EXD3: variants seen among roughly 807,000 people sequenced by gnomAD.
The protein encoded by EXD3 is exonuclease mut-7 homolog.
EXD3 carries 92 observed loss-of-function variants against 98.0 expected under a neutral mutation model. That is an observed-to-expected ratio of 0.94 (90% CI 0.79 to 1.12). The LOEUF (loss-of-function observed/expected upper bound fraction) is 1.12, where lower values mean the gene tolerates loss of function less well. Among genes scored for constraint, EXD3 ranks in the 50% most tolerant of loss-of-function variants. The pLI is 0.00. For synonymous variants in EXD3, 569 were observed against 526.0 expected (o/e 1.08, Z -1.12); for missense variants, 1,222 against 1,191.6 (o/e 1.03, Z -0.38).
At chr9:137,365,699 TACACACCCATGC>T in intron 7 of EXD3, 1 of 228,186 alleles carries the variant, frequency 4.4e-6, no homozygotes, top group Non-Finnish European at 8.3e-6. Flanking sequence ...TGCACACACG[TACACACCCATGC>T]ACACACACAT....
intron 3 of EXD3, among the ~76,000 whole-genome samples, chr9:137,381,970 G>A (rs563558084): frequency 3.3e-5 from 5 of 151,806 alleles, no homozygotes; most frequent in Non-Finnish European, 7.4e-5. Flanking sequence ...GCAGGGAGGA[G>A]GTGGGAGCAC....
At chr9:137,321,118 G>A (rs549131062) in intron 19 of EXD3, among the ~76,000 whole-genome samples, 6 of 152,374 alleles carry the variant, frequency 3.9e-5, no homozygotes, top group Middle Eastern at 3.4e-3. Context: ...GTGCCTGGCC[G>A]GCTGCAGATC....
intron 17 of EXD3, among the ~76,000 whole-genome samples, chr9:137,325,527 A>G (rs925579569): frequency 6.6e-6 from 1 of 151,742 alleles, no homozygotes; most frequent in Non-Finnish European, 1.5e-5. Context: ...CTGCCTCCCG[A>G]GTTCAAGCGA....
At chr9:137,394,045 C>T (rs568895623) in intron 2 of EXD3, among the ~76,000 whole-genome samples, 20 of 152,332 alleles carry the variant, frequency 1.3e-4, no homozygotes, top group African/African-American at 4.1e-4. Context: ...AGCCCGTCCC[C>T]GGCACAGAGA....
intron 17 of EXD3, among the ~76,000 whole-genome samples, chr9:137,340,931 T>G (rs1283239585): frequency 2.6e-5 from 4 of 152,202 alleles, no homozygotes; most frequent in Admixed American, 2.6e-4. Context: ...GACAAAGGAC[T>G]GAAGGAGAAG....
chr9:137,329,647 C>T (rs1203785469), intron 17 of EXD3, among the ~76,000 whole-genome samples: 7 of 15,346 alleles, frequency 4.6e-4, no homozygotes, highest in Non-Finnish European at 4.6e-4. Flanking sequence ...CTACACGGGA[C>T]TACACGGGGC....
chr9:137,328,617 C>T (rs1300024188), intron 17 of EXD3, among the ~76,000 whole-genome samples: 2 of 83,960 alleles, frequency 2.4e-5, no homozygotes, highest in African/African-American at 7.0e-5. Context: ...CGGGGCTACA[C>T]GGGACTACAC....
rs192750719 is a variant in EXD3 at position 137,413,614 on chromosome 9, G to A, written c.-48+9500C>T. 5.1e-3 allele frequency among the ~76,000 whole-genome samples: 760 copies of A among 148,878 alleles called. 4 individuals carry two copies. The highest frequency in any genetic ancestry group is 0.018 in the African/African-American group (719 of 40,132). ...GCCTCCTGGCTCAAGTGATTCTTGT[G>A]CCTAAGTCTCCTGAGTAGCTGGGAC... On this transcript the variant is annotated intron_variant, in intron 1 of 21. Coordinates refer to ENST00000340951, the MANE Select transcript of EXD3 (RefSeq NM_017820.5).
intron 17 of EXD3, among the ~76,000 whole-genome samples, chr9:137,337,085 T>A (rs1833390845): frequency 6.6e-6 from 1 of 152,090 alleles, no homozygotes; most frequent in Non-Finnish European, 1.5e-5. Context: ...AACCAAAGAA[T>A]AATGGAGAAA....
chr9:137,368,801 A>G (rs1835415703), intron 5 of EXD3, among the ~76,000 whole-genome samples: 2 of 150,306 alleles, frequency 1.3e-5, no homozygotes, highest in South Asian at 4.2e-4. Flanking sequence ...CTGTCTGGCC[A>G]GGGTCCAAGA....
At position 137,383,717 on chromosome 9, in the gene EXD3, G is replaced by A. The variant is rs758722819; in HGVS notation, c.56-340C>T. Among the ~76,000 whole-genome samples the A allele has an allele frequency of 3.9e-5, 6 of 152,308 alleles. No individual in the cohort carries two copies. In the East Asian group the frequency reaches 5.8e-4, roughly 15 times the overall value. ...TGAGCCTCTACCTGCTCCGCCTGGC[G>A]CCCTCGGCAACCTCATCAGCATCTT... is the stretch of plus-strand genomic sequence containing the variant. On this transcript the variant is annotated intron_variant, in intron 2 of 21. Transcript: ENST00000340951.
intron 6 of EXD3, chr9:137,367,722 G>A (rs1198814526): frequency 3.8e-6 from 2 of 529,446 alleles, no homozygotes; most frequent in Non-Finnish European, 6.8e-6. Context: ...AGCTGGACAC[G>A]GGGTTCGTGT....
intron 17 of EXD3, 43 bp downstream of exon 17, chr9:137,348,028 G>C (rs1230538064): frequency 3.8e-6 from 6 of 1,582,646 alleles, no homozygotes; most frequent in Non-Finnish European, 4.3e-6. Context: ...GCTAGGGGCA[G>C]CTGCACCTTG....
rs1836341076 is a variant in EXD3 at position 137,382,170 on chromosome 9, C to CGCGT, written c.120+1142_120+1143insACGC. Among the ~76,000 whole-genome samples the CGCGT allele has an allele frequency of 4.7e-5, 5 of 106,758 alleles. No homozygotes were observed. In the Middle Eastern group the frequency reaches 0.019, roughly 411 times the overall value. 70.0% of individuals were successfully genotyped at this position (106,758 alleles called of 152,430 possible). A position where few individuals can be genotyped will look rare whatever the true frequency, so the allele number is the denominator to read the frequency against. On this transcript the variant is annotated intron_variant, in intron 3 of 21. Coordinates refer to ENST00000340951, the MANE Select transcript of EXD3 (RefSeq NM_017820.5). ...GGCGCGGGGAGGAGGTGGGAGCATG[C>CGCGT]GGAGGAGGTGAGGGCGCGCGGAGGA...
intron 7 of EXD3, 79 bp from the exon 8 acceptor site, chr9:137,356,447 T>A: frequency 1.1e-6 from 1 of 935,788 alleles, no homozygotes; most frequent in Non-Finnish European, 1.7e-6. Flanking sequence ...ATCATAGTCA[T>A]ATGCATGCAT....
At chr9:137,386,621 C>A (rs979685473) in intron 2 of EXD3, among the ~76,000 whole-genome samples, 3 of 152,272 alleles carry the variant, frequency 2.0e-5, no homozygotes, top group African/African-American at 7.2e-5. Flanking sequence ...ATGGACTCCA[C>A]CGTGGCCCCT....
At chr9:137,376,343 CAAAAAAA>C (rs765888922) in intron 3 of EXD3, among the ~76,000 whole-genome samples, 8 of 39,960 alleles carry the variant, frequency 2.0e-4, no homozygotes, top group Admixed American at 2.9e-4. Context: ...GACTCTGTCT[CAAAAAAA>C]AAAAAAAAAA....
chr9:137,330,140 A>G (rs111163097), intron 17 of EXD3, among the ~76,000 whole-genome samples: 9,161 of 87,528 alleles, frequency 0.1, 1,180 homozygotes, highest in African/African-American at 0.22. Flanking sequence ...CTACACAGGA[A>G]CTACACCGGA....
intron 17 of EXD3, among the ~76,000 whole-genome samples, chr9:137,344,433 A>G (rs7848746): frequency 0.95 from 145,289 of 152,270 alleles, 69,378 homozygotes; most frequent in East Asian, 1. Flanking sequence ...CTGACGAGAC[A>G]TGTCTGGGAA....
Sources: allele counts gnomAD v4.1 joint callset (sites outside exome capture counted in the v4.1 genomes callset), GRCh38; gene constraint gnomAD v4.1.1; transcripts MANE v1.5; gene names NCBI Gene and HGNC (gene_info 2026-07-23, HGNC 2026-07-21).